The following RAD23A variants were observed in gnomAD, a reference collection of about 807,000 sequenced individuals.
The protein encoded by RAD23A is lysine-specific demethylase RAD23A.
In RAD23A, 16 loss-of-function variants were observed where a neutral mutation model predicts 44.8. The ratio of observed to expected loss-of-function variants is 0.36; its 90% confidence interval spans 0.24 to 0.54. The LOEUF is 0.54. Among genes scored for constraint, RAD23A ranks in the 20% least tolerant of loss-of-function variants. The pLI, the probability that RAD23A is intolerant of heterozygous loss-of-function variation, is 0.89. For synonymous variants in RAD23A, 217 were observed against 202.9 expected, an observed-to-expected ratio of 1.07 and a Z score of -0.59; for missense variants, 380 against 483.3, an observed-to-expected ratio of 0.79 and a Z score of 2.00.
chr19:12,947,439 A>G (rs1971698595), intron 1 of RAD23A, among the ~76,000 whole-genome samples: 1 of 152,250 alleles, frequency 6.6e-6, no homozygotes, highest in Non-Finnish European at 1.5e-5. Context: ...ATTAAAAAAT[A>G]TCACTATTAA....
In RAD23A at chr19:12,949,099, G is replaced by A. The variant is rs977516182; in HGVS notation, c.619G>A (p.Glu207Lys). 4.3e-6 allele frequency: 7 copies of A among 1,613,196 alleles called. No homozygotes were observed. Among genetic ancestry groups the A allele is most frequent in the Non-Finnish European group, 5.9e-6 (7 of 1,179,688 alleles). ...YLLTGIPGSP[E>K]PEHGSVQESQ... is the part of the protein sequence containing the mutation. The stretch of plus-strand genomic sequence containing the variant: ...CTGACAGGGAATTCCTGGGAGCCCC[G>A]AGCCGGAACACGGTTCTGTCCAGGA... The change falls in exon 6 of 9, where the codon GAG (glutamate) becomes AAG (lysine). Residue 207 changes from glutamate (E) to lysine (K), a missense_variant. Glu to Lys is a moderately conservative substitution (Grantham distance 56). Around this residue, in one of 3 missense-constraint regions of RAD23A, gnomAD observed 279 missense variants for 313.7 expected, o/e 0.89. Transcript: ENST00000586534.
Position 12,948,119 on chromosome 19 carries a change from C to G in RAD23A, c.235-58C>G. The G allele has an allele frequency of 6.2e-7, 1 of 1,609,434 alleles. No homozygotes were observed. The highest frequency in any genetic ancestry group is 8.5e-7 in the Non-Finnish European group (1 of 1,176,630). ...TGAACAGGGCGGGGCCACAGCGGAG[C>G]GGGTTGTTGGGTCTGATAGGGTTGC... On this transcript the variant is annotated intron_variant, in intron 2 of 8. Coordinates refer to ENST00000586534, the MANE Select transcript of RAD23A (RefSeq NM_005053.4). This position sits in a 1 kb window ranked among gnomAD's most constrained non-coding sequence, Gnocchi z 5.5.
chr19:12,949,083 A>G lies in RAD23A; in HGVS notation c.603A>G (p.Gly201=). Residue 201 remains glycine, a splice_region_variant and synonymous_variant, in exon 6 of 9, where the codon GGA becomes GGG. Coordinates refer to ENST00000586534, the MANE Select transcript of RAD23A (RefSeq NM_005053.4). ...GAACTAAACAGGACCCCTGACAGGG[A>G]ATTCCTGGGAGCCCCGAGCCGGAAC... ...PHRAVEYLLT[G]IPGSPEPEHG... is the part of the protein sequence containing the mutation. The G allele has an allele frequency of 6.2e-7, 1 of 1,611,928 alleles. No homozygotes were observed. The highest frequency in any genetic ancestry group is 8.5e-7 in the Non-Finnish European group (1 of 1,179,086).
chr19:12,952,444 T>A, intron 7 of RAD23A: 2 of 426,772 alleles, frequency 4.7e-6, no homozygotes, highest in South Asian at 6.4e-5. Flanking sequence ...CACCTGCCTC[T>A]GCCTCCCAAA....
chr19:12,953,233 G>T lies in RAD23A; in HGVS notation c.*184G>T. Reference sequence around the variant, plus strand: ...AAAGTGGCCCCTGTTCCCATCTCCCGGGCCAGACAGCTGTCCCCCCGTCCT... The same window carrying T: ...AAAGTGGCCCCTGTTCCCATCTCCCTGGCCAGACAGCTGTCCCCCCGTCCT... On this transcript the variant is annotated 3_prime_UTR_variant, in exon 9 of 9. Coordinates refer to ENST00000586534, the MANE Select transcript of RAD23A (RefSeq NM_005053.4). The T allele has an allele frequency of 4.4e-6, 2 of 449,794 alleles. No homozygotes were observed. Among genetic ancestry groups the T allele is most frequent in the Non-Finnish European group, 7.6e-6 (2 of 262,136 alleles). 27.9% of individuals were successfully genotyped at this position (449,794 alleles called of 1,614,324 possible). A position where few individuals can be genotyped will look rare whatever the true frequency, so the allele number is the denominator to read the frequency against.
rs754956151 is a variant in RAD23A at position 12,949,302 on chromosome 19, G to C, written c.707G>C (p.Arg236Pro). The C allele has an allele frequency of 6.2e-7, 1 of 1,614,118 alleles. No individual in the cohort carries two copies. Among genetic ancestry groups the C allele is most frequent in the Non-Finnish European group, 8.5e-7 (1 of 1,179,986 alleles). ...AAGENPLEFLRDQPQFQNMRQ... is the reference protein window; with the variant it reads ...AAGENPLEFLPDQPQFQNMRQ... ...GGAGAGAACCCCCTGGAGTTCCTGC[G>C]GGACCAGCCCCAGTTCCAGAACATG... is the stretch of plus-strand genomic sequence containing the variant. Residue 236 changes from arginine to proline, a missense_variant, in exon 7 of 9, where the codon CGG (arginine) becomes CCG (proline). Physicochemically the swap from Arg to Pro is moderately radical, Grantham distance 103. This residue lies in a region of RAD23A where 279 missense variants were observed against 313.7 expected (regional missense o/e 0.89). Transcript: ENST00000586534.
At chr19:12,946,427 G>A (rs1000786637) in intron 1 of RAD23A, among the ~76,000 whole-genome samples, 2 of 152,234 alleles carry the variant, frequency 1.3e-5, no homozygotes, top group Non-Finnish European at 2.9e-5. Context: ...ATACTGAGTA[G>A]TGACGACAAC....
Position 12,953,134 on chromosome 19 carries a change from G to A in RAD23A, c.*85G>A. On this transcript the variant is annotated 3_prime_UTR_variant, in exon 9 of 9. Transcript: ENST00000586534. ...AAAGAAAAAATATATATATATTCAT[G>A]TTTATTTAAGAAATGGAAAAAAAAA... 1 of 843,446 alleles carries A rather than the reference G, an allele frequency of 1.2e-6. No homozygotes were observed. Among genetic ancestry groups the A allele is most frequent in the Middle Eastern group, 3.4e-4 (1 of 2,974 alleles). The allele number at this position is 843,446 out of a possible 1,614,324, so 52.2% of individuals were successfully genotyped here.
At chr19:12,947,799 A>G (rs774696219) in intron 1 of RAD23A, 49 bp from the exon 2 acceptor site, 2 of 1,589,186 alleles carry the variant, frequency 1.3e-6, no homozygotes. Context: ...ACTAGAAGGG[A>G]AAAGAGAATC....
Position 12,945,941 on chromosome 19 carries a change from G to T in RAD23A, c.-8G>T, listed in dbSNP as rs1971656210. The stretch of plus-strand genomic sequence containing the variant: ...ATCCCGGGGCCGCCGCGTCGCTCGG[G>T]CCCCGCCATGGCCGTCACCATCACG... On this transcript the variant is annotated 5_prime_UTR_variant, in exon 1 of 9. Transcript: ENST00000586534. 6.2e-7 allele frequency: 1 copy of T among 1,606,618 alleles called. No individual in the cohort carries two copies. Among genetic ancestry groups the T allele is most frequent in the Non-Finnish European group, 8.5e-7 (1 of 1,177,938 alleles).
intron 7 of RAD23A, 58 bp from the exon 8 acceptor site, chr19:12,952,631 G>T (rs1479333243): frequency 1.3e-6 from 2 of 1,525,508 alleles, no homozygotes; most frequent in African/African-American, 1.4e-5. Context: ...GTGATGACCT[G>T]GGGAGAGGAG....
Position 12,948,997 on chromosome 19 carries a change from AGGCCTCATCT to A in RAD23A, c.601-82_601-73del. 1.9e-6 allele frequency: 3 copies of A among 1,547,620 alleles called. No homozygotes were observed. The highest frequency in any genetic ancestry group is 2.6e-6 in the Non-Finnish European group (3 of 1,136,234). ...GGTGGGCCTCTGGAGGGCAGGGCCG[AGGCCTCATCT>A]GTGTCCTGCCAGGGCATGGAGGAGG... On this transcript the variant is annotated intron_variant, in intron 5 of 8. Transcript: ENST00000586534. This position sits in a 1 kb window ranked among gnomAD's most constrained non-coding sequence, Gnocchi z 5.5.
In RAD23A at chr19:12,949,170, A is replaced by G. The variant is rs779936427; in HGVS notation, c.679+11A>G. 2.5e-6 allele frequency: 4 copies of G among 1,614,070 alleles called. No homozygotes were observed. In the South Asian group the frequency reaches 3.3e-5, roughly 13 times the overall value. On this transcript the variant is annotated intron_variant, in intron 6 of 8. Transcript: ENST00000586534. ...CGGCCACGGAAGCAGGTGGGTGTGC[A>G]CATGCCGCATCTGCCCTCCAGGTAC...
chr19:12,948,742 C>T lies in RAD23A; in HGVS notation c.529C>T (p.Arg177Ter), dbSNP rs1348809848. ...GGAGATCATGTCCATGGGCTATGAG[C>T]GAGAGCGGGTCGTGGCCGCCCTGAG... Reference protein sequence around the residue: ...LTEIMSMGYERERVVAALRAS... With the variant: ...LTEIMSMGYE The change falls in exon 5 of 9, where the codon CGA (arginine) becomes TGA (stop). Residue 177 changes from arginine to a stop codon, truncating the protein, a stop_gained. Transcript: ENST00000586534. LOFTEE classifies it high-confidence loss of function. The surrounding 1 kb of genome is among the most constrained non-coding windows in gnomAD (Gnocchi z 5.5). The T allele has an allele frequency of 3.1e-6, 5 of 1,613,652 alleles. No homozygotes were observed. Among genetic ancestry groups the T allele is most frequent in the East Asian group, 2.2e-5 (1 of 44,864 alleles).
chr19:12,947,036 T>C (rs1009849361), intron 1 of RAD23A, among the ~76,000 whole-genome samples: 1 of 151,972 alleles, frequency 6.6e-6, no homozygotes, highest in African/African-American at 2.4e-5. Flanking sequence ...CCCCGTTCTC[T>C]ACAAAAAAAA....
At chr19:12,949,429 G>A (rs755998411) in intron 7 of RAD23A, 21 bp downstream of exon 7, 7 of 1,607,928 alleles carry the variant, frequency 4.4e-6, no homozygotes, top group Non-Finnish European at 6.0e-6. Flanking sequence ...AAGGGCAGAG[G>A]GAGCTAGGGC....
rs1173820528 is a variant in RAD23A at position 12,948,098 on chromosome 19, C to G, written c.235-79C>G. On this transcript the variant is annotated intron_variant, in intron 2 of 8. Coordinates refer to ENST00000586534, the MANE Select transcript of RAD23A (RefSeq NM_005053.4). This position sits in a 1 kb window ranked among gnomAD's most constrained non-coding sequence, Gnocchi z 5.5. ...GTGCCCAGGAGAGATTAGCTGTGAA[C>G]AGGGCGGGGCCACAGCGGAGCGGGT... 1 of 1,607,604 alleles carries G rather than the reference C, an allele frequency of 6.2e-7. No individual in the cohort carries two copies. Among genetic ancestry groups the G allele is most frequent in the African/African-American group, 1.3e-5 (1 of 74,748 alleles).
Position 12,948,877 on chromosome 19 carries a change from T to C in RAD23A, c.600+64T>C. 6.4e-7 allele frequency: 1 copy of C among 1,556,204 alleles called. No homozygotes were observed. On this transcript the variant is annotated intron_variant, in intron 5 of 8. Coordinates refer to ENST00000586534, the MANE Select transcript of RAD23A (RefSeq NM_005053.4). The surrounding 1 kb of genome is among the most constrained non-coding windows in gnomAD (Gnocchi z 5.5). ...GAGTACCCGGGCGTCACTGCCCTGA[T>C]GGGCGGTTGGGAAGGCAAAACCTGC...
chr19:12,948,323 A>C lies in RAD23A; in HGVS notation c.381A>C (p.Glu127Asp). 1 of 1,605,212 alleles carries C rather than the reference A, an allele frequency of 6.2e-7. No homozygotes were observed. The highest frequency in any genetic ancestry group is 8.5e-7 in the Non-Finnish European group (1 of 1,174,990). ...AAREDKSPSE[E>D]SAPTTSPESV... ...GAGAGGACAAGAGCCCATCAGAGGA[A>C]TCCGCCCCCACGACGTCCCCAGAGT... is the stretch of plus-strand genomic sequence containing the variant. Residue 127 changes from glutamate (E) to aspartate (D), a missense_variant, in exon 3 of 9, where the codon GAA becomes GAC. Glu to Asp is a conservative substitution (Grantham distance 45). This residue lies in a region of RAD23A where 279 missense variants were observed against 313.7 expected (regional missense o/e 0.89). Transcript: ENST00000586534. The surrounding 1 kb of genome is among the most constrained non-coding windows in gnomAD (Gnocchi z 5.5).
Sources: gnomAD v4.1 joint callset for allele counts (sites outside exome capture counted in the v4.1 genomes callset) on GRCh38, gnomAD v4.1.1 for gene constraint, gnomAD v4.1.1 regional missense constraint, Gnocchi (gnomAD v3.1) non-coding constraint, MANE v1.5 for transcripts, NCBI Gene and HGNC (gene_info 2026-07-23, HGNC 2026-07-21) for gene names.